The following WWOX variants were observed in gnomAD, a reference collection of about 807,000 sequenced individuals.
The protein encoded by WWOX is WW domain containing oxidoreductase, also known as WW domain-containing oxidoreductase.
A neutral mutation model predicts 46.2 loss-of-function variants in WWOX; 69 were observed. The observed-to-expected ratio is 1.49, with a 90% CI of 1.23 to 1.82. WWOX has a LOEUF of 1.82. Ranked by LOEUF, WWOX falls within the 40% of genes most tolerant of loss-of-function variation. The probability of loss-of-function intolerance (pLI) is 0.00; values close to 1 mark genes in which losing one functional copy is unlikely to be tolerated. For missense variants in WWOX, 919 were observed against 542.6 expected (o/e 1.69, Z -6.89); for synonymous variants, 359 against 202.6 (o/e 1.77, Z -6.56).
chr16:79,190,752 C>T (rs897914840), intron 8 of WWOX, among the ~76,000 whole-genome samples: 2 of 152,202 alleles, frequency 1.3e-5, no homozygotes, highest in South Asian at 4.1e-4. Flanking sequence ...TATTGGAACA[C>T]AGCCAGGTGC....
chr16:78,506,792 C>A (rs1215809310), intron 8 of WWOX, among the ~76,000 whole-genome samples: 1 of 146,570 alleles, frequency 6.8e-6, no homozygotes, highest in African/African-American at 2.5e-5. Context: ...ATGCTCCCTG[C>A]AACCTCTGGC....
intron 8 of WWOX, among the ~76,000 whole-genome samples, chr16:78,609,746 G>A (rs1308077704): frequency 3.3e-5 from 5 of 152,124 alleles, no homozygotes; most frequent in Admixed American, 2.6e-4. Flanking sequence ...GGAAAACAAA[G>A]GGGTGAGGTG....
chr16:78,601,213 C>T (rs1396666393), intron 8 of WWOX, among the ~76,000 whole-genome samples: 1 of 152,198 alleles, frequency 6.6e-6, no homozygotes, highest in East Asian at 1.9e-4. Flanking sequence ...CTTTCTTCTT[C>T]AGTGCCACCT....
chr16:78,952,867 G>C (rs990837516), intron 8 of WWOX, among the ~76,000 whole-genome samples: 1 of 152,176 alleles, frequency 6.6e-6, no homozygotes, highest in Non-Finnish European at 1.5e-5. Flanking sequence ...AGAGGCACTT[G>C]CTCAGGCTTG....
At chr16:78,364,800 T>G (rs981737938) in intron 5 of WWOX, among the ~76,000 whole-genome samples, 1 of 152,210 alleles carries the variant, frequency 6.6e-6, no homozygotes, top group Admixed American at 6.5e-5. Context: ...AGCATCTGAT[T>G]ACAGATCGTG....
At chr16:78,716,326 C>T (rs2048559665) in intron 8 of WWOX, among the ~76,000 whole-genome samples, 2 of 152,068 alleles carry the variant, frequency 1.3e-5, no homozygotes. Context: ...GGGAATGTGG[C>T]CCTGTTGACA....
intron 8 of WWOX, among the ~76,000 whole-genome samples, chr16:78,921,105 A>C (rs2045367943): frequency 6.6e-6 from 1 of 152,172 alleles, no homozygotes; most frequent in African/African-American, 2.4e-5. Context: ...GGGGGAAAAA[A>C]AGAGCTTCTT....
intron 5 of WWOX, among the ~76,000 whole-genome samples, chr16:78,217,538 A>G (rs952339708): frequency 2.6e-5 from 4 of 152,186 alleles, no homozygotes; most frequent in Non-Finnish European, 5.9e-5. Flanking sequence ...GATCCTGCCG[A>G]TGAGATGAGA....
At chr16:78,926,133 TG>T (rs2045492110) in intron 8 of WWOX, among the ~76,000 whole-genome samples, 1 of 152,114 alleles carries the variant, frequency 6.6e-6, no homozygotes. Flanking sequence ...TGGGAGTGGA[TG>T]GACCCAAAAT....
At chr16:78,443,835 CT>C (rs1295793406) in intron 8 of WWOX, among the ~76,000 whole-genome samples, 4 of 152,126 alleles carry the variant, frequency 2.6e-5, no homozygotes, top group Non-Finnish European at 5.9e-5. Flanking sequence ...TGATCCTCCC[CT>C]CTTTCAGTTT....
At chr16:78,646,122 C>A (rs1477800665) in intron 8 of WWOX, among the ~76,000 whole-genome samples, 1 of 152,194 alleles carries the variant, frequency 6.6e-6, no homozygotes, top group Non-Finnish European at 1.5e-5. Context: ...TACAAAGTCC[C>A]ATCTGCCATG....
At chr16:78,863,613 A>G (rs146114371) in intron 8 of WWOX, among the ~76,000 whole-genome samples, 26 of 152,254 alleles carry the variant, frequency 1.7e-4, no homozygotes, top group African/African-American at 6.3e-4. Flanking sequence ...CATAAGCTGT[A>G]TTCAGGCAGG....
chr16:78,897,864 T>C (rs2044738219), intron 8 of WWOX: 2 of 152,150 alleles, frequency 1.3e-5, no homozygotes, highest in African/African-American at 2.4e-5. Context: ...TATAGCCTTT[T>C]TGTGGGTGAG....
rs10596104 is a variant in WWOX at position 78,593,736 on chromosome 16, AAGAGAGAG to A, written c.1056+160998_1056+161005del. Among the ~76,000 whole-genome samples the A allele has an allele frequency of 7.9e-4, 115 of 145,226 alleles. 1 individual carries two copies. The highest frequency in any genetic ancestry group is 3.5e-3 in the Middle Eastern group (1 of 284). Reference sequence around the variant, plus strand: ...ACTGCCTGTTGTAGTTAAAAAAAAAAAGAGAGAGAGAGAGAGAGAGACTGATACACAAA... The same window carrying A: ...ACTGCCTGTTGTAGTTAAAAAAAAAAAGAGAGAGAGAGACTGATACACAAA... On this transcript the variant is annotated intron_variant, in intron 8 of 8. Coordinates refer to ENST00000566780, the MANE Select transcript of WWOX (RefSeq NM_016373.4).
At chr16:78,173,431 G>C (rs1597306665) in intron 5 of WWOX, among the ~76,000 whole-genome samples, 1 of 151,778 alleles carries the variant, frequency 6.6e-6, no homozygotes, top group East Asian at 1.9e-4. Flanking sequence ...TGGGACTACA[G>C]GCTTATGCCA....
intron 8 of WWOX, among the ~76,000 whole-genome samples, chr16:78,811,157 A>C (rs868411877): frequency 1.1e-4 from 16 of 152,336 alleles, no homozygotes; most frequent in African/African-American, 3.4e-4. Context: ...TTGGTAATTC[A>C]GTATCCGAAA....
At chr16:78,738,008 C>G (rs1015896240) in intron 8 of WWOX, among the ~76,000 whole-genome samples, 1 of 152,112 alleles carries the variant, frequency 6.6e-6, no homozygotes, top group Non-Finnish European at 1.5e-5. Flanking sequence ...CAGGGGTTTC[C>G]CTGTCAGAGC....
At chr16:78,592,957 G>C (rs2045385898) in intron 8 of WWOX, among the ~76,000 whole-genome samples, 1 of 152,140 alleles carries the variant, frequency 6.6e-6, no homozygotes, top group East Asian at 1.9e-4. Flanking sequence ...CAACACTACT[G>C]CTTCTCTCCC....
intron 8 of WWOX, among the ~76,000 whole-genome samples, chr16:78,935,548 T>C (rs1166329755): frequency 1.4e-5 from 2 of 146,074 alleles, no homozygotes; most frequent in African/African-American, 2.6e-5. Flanking sequence ...TAGGTGGGAA[T>C]TGAACAATGA....
Sources: allele counts gnomAD v4.1 joint callset (sites outside exome capture counted in the v4.1 genomes callset), GRCh38; gene constraint gnomAD v4.1.1; transcripts MANE v1.5; gene names NCBI Gene and HGNC (gene_info 2026-07-23, HGNC 2026-07-21).